The following LNP1 variants were observed in gnomAD, a reference collection of about 807,000 sequenced individuals.
LNP1 encodes the protein leukemia NUP98 fusion partner 1.
A neutral mutation model predicts 14.5 loss-of-function variants in LNP1; 12 were observed. The observed-to-expected ratio is 0.83, with a 90% CI of 0.53 to 1.34. The LOEUF (loss-of-function observed/expected upper bound fraction) is 1.34. Among genes scored for constraint, LNP1 ranks in the 40% most tolerant of loss-of-function variants. LNP1 has a pLI of 0.00. For synonymous variants in LNP1, 75 were observed against 71.4 expected, an observed-to-expected ratio of 1.05 and a Z score of -0.26; for missense variants, 198 against 210.9, an observed-to-expected ratio of 0.94 and a Z score of 0.38.
chr3:100,427,795 G>A (rs1196495056), intron 1 of LNP1, among the ~76,000 whole-genome samples: 2 of 152,218 alleles, frequency 1.3e-5, no homozygotes, highest in Non-Finnish European at 2.9e-5. Context: ...TTGTTCCAGT[G>A]AAGTCCCACA....
At chr3:100,409,956 CATCTATCTATCTATCT>C (rs71625560) in intron 1 of LNP1, among the ~76,000 whole-genome samples, 24 of 149,514 alleles carry the variant, frequency 1.6e-4, no homozygotes, top group South Asian at 6.4e-4. Context: ...ACATAGCTTA[CATCTATCTATCTATCT>C]ATCTATCTAT....
intron 2 of LNP1, among the ~76,000 whole-genome samples, chr3:100,430,470 G>A (rs989438669): frequency 6.6e-6 from 1 of 152,204 alleles, no homozygotes; most frequent in Admixed American, 6.5e-5. Context: ...ATGCTAGCAG[G>A]AAAGCTCCCA....
At chr3:100,431,157 T>C (rs1707238695) in intron 2 of LNP1, among the ~76,000 whole-genome samples, 1 of 152,214 alleles carries the variant, frequency 6.6e-6, no homozygotes, top group East Asian at 1.9e-4. Flanking sequence ...AAACTGTAAT[T>C]TACTATTTAT....
intron 1 of LNP1, among the ~76,000 whole-genome samples, chr3:100,416,597 T>TG (rs1559840688): frequency 1.5e-3 from 162 of 110,652 alleles, no homozygotes; most frequent in Non-Finnish European, 2.4e-3. Flanking sequence ...AGTATATCTT[T>TG]TTTGTGTGTG....
intron 3 of LNP1, among the ~76,000 whole-genome samples, chr3:100,452,374 T>A (rs1018256591): frequency 1.3e-5 from 2 of 151,864 alleles, no homozygotes; most frequent in Non-Finnish European, 2.9e-5. Flanking sequence ...GACTAAATTT[T>A]AAACTTTTTT....
At chr3:100,426,299 C>T (rs762136065) in intron 1 of LNP1, among the ~76,000 whole-genome samples, 13 of 152,168 alleles carry the variant, frequency 8.5e-5, no homozygotes, top group South Asian at 4.1e-4. Flanking sequence ...CTTGAGCCTA[C>T]GCCTGTCTTC....
intron 3 of LNP1, among the ~76,000 whole-genome samples, chr3:100,454,438 C>T (rs1247322728): frequency 3.3e-5 from 5 of 152,116 alleles, no homozygotes; most frequent in Non-Finnish European, 5.9e-5. Context: ...TGTTCTTTTT[C>T]AGTAAATTTA....
chr3:100,424,255 T>G (rs1707172263), intron 1 of LNP1, among the ~76,000 whole-genome samples: 1 of 152,158 alleles, frequency 6.6e-6, no homozygotes, highest in Non-Finnish European at 1.5e-5. Flanking sequence ...ATTAGGAGAT[T>G]CCCCAGGACC....
In LNP1 at chr3:100,403,995, T is replaced by A. The variant is rs115764660; in HGVS notation, c.-34+1556T>A. Among the ~76,000 whole-genome samples the A allele has an allele frequency of 4.8e-3, 731 of 152,350 alleles. 8 individuals are homozygous for A. Among genetic ancestry groups the A allele is most frequent in the African/African-American group, 0.014 (581 of 41,578 alleles). ...TGCACAAATCTGCTTATATTAAGCA[T>A]GTACATATAGAACAGCTCTATTCTC... On this transcript the variant is annotated intron_variant, in intron 1 of 3. Transcript: ENST00000383693.
rs1021275339 is a variant in LNP1 at position 100,407,079 on chromosome 3, A to G, written c.-34+4640A>G. On this transcript the variant is annotated intron_variant, in intron 1 of 3. Transcript: ENST00000383693. ...TTTAATACTTTTATCTTTTAGCCCT[A>G]CTAAAGATACGTGATTTACACACCC... Among the ~76,000 whole-genome samples the G allele has an allele frequency of 5.3e-5, 8 of 152,240 alleles. No individual in the cohort carries two copies. The South Asian group carries it at 1.7e-3, about 31-fold the overall frequency.
intron 1 of LNP1, among the ~76,000 whole-genome samples, chr3:100,403,331 A>G (rs1706931144): frequency 6.6e-6 from 1 of 152,374 alleles, no homozygotes; most frequent in Non-Finnish European, 1.5e-5. Flanking sequence ...AAAGTTCTGT[A>G]TATGTGAACA....
chr3:100,422,205 A>G (rs898305715), intron 1 of LNP1, among the ~76,000 whole-genome samples: 14 of 96,740 alleles, frequency 1.4e-4, no homozygotes, highest in Admixed American at 2.6e-4. Context: ...TTTTTTTGCT[A>G]TGGAGTCTTG....
chr3:100,426,827 C>A (rs1033019489), intron 1 of LNP1, among the ~76,000 whole-genome samples: 1 of 152,080 alleles, frequency 6.6e-6, no homozygotes, highest in Non-Finnish European at 1.5e-5. Flanking sequence ...TCTTCTAATA[C>A]TTCTTATAGA....
chr3:100,403,465 G>C (rs1706932760), intron 1 of LNP1, among the ~76,000 whole-genome samples: 1 of 151,778 alleles, frequency 6.6e-6, no homozygotes, highest in African/African-American at 2.4e-5. Flanking sequence ...TGGAAGACCT[G>C]AGTTTTTTTT....
At chr3:100,434,844 T>A (rs1055263996) in intron 2 of LNP1, among the ~76,000 whole-genome samples, 7 of 151,930 alleles carry the variant, frequency 4.6e-5, no homozygotes, top group African/African-American at 1.7e-4. Flanking sequence ...TTTTTTTTTT[T>A]TTTTAATTAA....
chr3:100,455,434 A>G (rs1191823845), intron 3 of LNP1, among the ~76,000 whole-genome samples: 1 of 152,178 alleles, frequency 6.6e-6, no homozygotes, highest in Non-Finnish European at 1.5e-5. Context: ...TCCATGTGTG[A>G]TCTCATTTGC....
chr3:100,452,202 CTTT>C (rs1321009854), intron 3 of LNP1, among the ~76,000 whole-genome samples: 7 of 129,306 alleles, frequency 5.4e-5, no homozygotes, highest in Admixed American at 1.6e-4. Context: ...GTTTTTCTTT[CTTT>C]TTTTTTTTTT....
chr3:100,429,965 T>A, intron 2 of LNP1, 80 bp downstream of exon 2: 1 of 1,454,016 alleles, frequency 6.9e-7, no homozygotes. Context: ...TGAGGAATCT[T>A]TGGATATAAA....
Position 100,448,365 on chromosome 3 carries a change from T to C in LNP1, c.157-3354T>C, listed in dbSNP as rs1384047269. Among the ~76,000 whole-genome samples the C allele has an allele frequency of 2.0e-5, 3 of 152,174 alleles. No individual in the cohort carries two copies. The South Asian group carries it at 6.2e-4, about 32-fold the overall frequency. ...ACTAGACTGCCTAAAACCACAAGAT[T>C]AGAAGTTATGCTAATCTTACTAAAT... On this transcript the variant is annotated intron_variant, in intron 2 of 3. Transcript: ENST00000383693.
Sources: allele counts gnomAD v4.1 joint callset (sites outside exome capture counted in the v4.1 genomes callset), GRCh38; gene constraint gnomAD v4.1.1; transcripts MANE v1.5; gene names NCBI Gene and HGNC (gene_info 2026-07-23, HGNC 2026-07-21).